The following MAPT variants were observed in gnomAD, a reference collection of about 807,000 sequenced individuals.
MAPT encodes microtubule associated protein tau.
A neutral mutation model predicts 67.9 loss-of-function variants in MAPT; 34 were observed. The observed-to-expected ratio is 0.50, with a 90% CI of 0.38 to 0.67. The LOEUF is 0.67. MAPT is among the 30% of genes least tolerant of loss of function. The pLI, the probability that MAPT is intolerant of heterozygous loss-of-function variation, is 0.00. For missense variants in MAPT, 881 were observed against 1,115.2 expected (o/e 0.79, Z 2.99); for synonymous variants, 456 against 464.5 (o/e 0.98, Z 0.23).
chr17:45,937,738 T>C (rs1252694899), intron 1 of MAPT, among the ~76,000 whole-genome samples: 1 of 151,702 alleles, frequency 6.6e-6, no homozygotes, highest in Non-Finnish European at 1.5e-5. Flanking sequence ...AGATAACACA[T>C]GCTCTGTGGG....
chr17:46,018,339 T>C (rs541519086), intron 11 of MAPT, among the ~76,000 whole-genome samples: 16 of 151,194 alleles, frequency 1.1e-4, no homozygotes, highest in African/African-American at 3.9e-4. Flanking sequence ...AAGGACTTAC[T>C]TGTATCCAAA....
intron 10 of MAPT, among the ~76,000 whole-genome samples, chr17:46,013,749 CCT>C (rs540403236): frequency 4.4e-3 from 669 of 152,296 alleles, no homozygotes; most frequent in Non-Finnish European, 6.7e-3. Flanking sequence ...CAGCGCCTCC[CCT>C]CTTTGAGGCC....
At chr17:45,987,508 C>T (rs892855391) in intron 6 of MAPT, among the ~76,000 whole-genome samples, 2 of 152,254 alleles carry the variant, frequency 1.3e-5, no homozygotes, top group East Asian at 3.8e-4. Flanking sequence ...CAGTATTTCA[C>T]TTCACCCATT....
chr17:45,956,168 T>G (rs143722396), intron 1 of MAPT, among the ~76,000 whole-genome samples: 103 of 152,358 alleles, frequency 6.8e-4, no homozygotes, highest in Non-Finnish European at 1.2e-3. Flanking sequence ...ATGGTGCCTT[T>G]GACCTGCTCT....
intron 2 of MAPT, among the ~76,000 whole-genome samples, chr17:45,966,791 G>GTA (rs915336401): frequency 9.2e-5 from 14 of 151,886 alleles, no homozygotes; most frequent in African/African-American, 2.4e-4. Flanking sequence ...ATATGTGTGT[G>GTA]TATATATATA....
chr17:45,933,611 GC>G (rs1598019840), intron 1 of MAPT, among the ~76,000 whole-genome samples: 2 of 152,120 alleles, frequency 1.3e-5, no homozygotes, highest in South Asian at 2.1e-4. Context: ...CCTTCACCTG[GC>G]CCCCCGCATT....
Position 45,906,587 on chromosome 17 carries a change from G to A in MAPT, c.-18+11901G>A, listed in dbSNP as rs890447782. ...CACCCTGTAAATGGAGGGTTTCTCC[G>A]GAGCGTGGATGGTGGGAGGTATTTC... is the stretch of plus-strand genomic sequence containing the variant. On this transcript the variant is annotated intron_variant, in intron 1 of 12. Coordinates refer to ENST00000262410, the MANE Select transcript of MAPT (RefSeq NM_001377265.1). This position sits in a 1 kb window ranked among gnomAD's most constrained non-coding sequence, Gnocchi z 4.3. Among the ~76,000 whole-genome samples the A allele has an allele frequency of 2.6e-5, 4 of 152,070 alleles. No homozygotes were observed. Among genetic ancestry groups the A allele is most frequent in the African/African-American group, 4.8e-5 (2 of 41,388 alleles).
intron 9 of MAPT, among the ~76,000 whole-genome samples, chr17:45,997,475 G>A (rs1229829481): frequency 6.6e-6 from 1 of 152,200 alleles, no homozygotes; most frequent in African/African-American, 2.4e-5. Flanking sequence ...AGAACACCAT[G>A]GCAGCTGGGC....
chr17:45,982,591 C>T (rs1012150219), intron 4 of MAPT, among the ~76,000 whole-genome samples: 2 of 151,984 alleles, frequency 1.3e-5, no homozygotes, highest in Non-Finnish European at 2.9e-5. Flanking sequence ...GAAGGGCCCT[C>T]GGAGGTCACC....
intron 1 of MAPT, among the ~76,000 whole-genome samples, chr17:45,929,601 G>A (rs1419879105): frequency 1.3e-5 from 2 of 152,114 alleles, no homozygotes; most frequent in Admixed American, 1.3e-4. Flanking sequence ...TCATCGCCAG[G>A]CTTGTGTCCT....
At chr17:46,023,531 T>C (rs1460167342) in intron 12 of MAPT, among the ~76,000 whole-genome samples, 3 of 152,138 alleles carry the variant, frequency 2.0e-5, no homozygotes, top group East Asian at 1.9e-4. Context: ...TATTACCAAT[T>C]GGAAGACAAT....
At chr17:46,008,237 G>GCAC (rs2075584330) in intron 9 of MAPT, among the ~76,000 whole-genome samples, 1 of 152,046 alleles carries the variant, frequency 6.6e-6, no homozygotes, top group Non-Finnish European at 1.5e-5. Flanking sequence ...GCTGGGTTGC[G>GCAC]CACCACCATG....
chr17:45,929,316 T>C (rs920411681), intron 1 of MAPT, among the ~76,000 whole-genome samples: 3 of 152,088 alleles, frequency 2.0e-5, no homozygotes, highest in African/African-American at 7.2e-5. Context: ...TCACATTAGG[T>C]GATGGAGCAC....
chr17:46,021,736 C>T (rs541120371), intron 12 of MAPT, among the ~76,000 whole-genome samples: 1 of 152,302 alleles, frequency 6.6e-6, no homozygotes, highest in East Asian at 1.9e-4. Flanking sequence ...CTCTAAGAAC[C>T]TGAGTTAGAG....
chr17:46,024,064 C>T lies in MAPT; in HGVS notation c.2395C>T (p.His799Tyr), dbSNP rs1434153077. The change falls in exon 13 of 13, where the codon CAT becomes TAT. Residue 799 changes from histidine (H) to tyrosine (Y), a missense_variant. His to Tyr is a moderately conservative substitution (Grantham distance 83). Coordinates refer to ENST00000262410, the MANE Select transcript of MAPT (RefSeq NM_001377265.1). Reference protein sequence around the residue: ...PVVSGDTSPRHLSNVSSTGSI... With the variant: ...PVVSGDTSPRYLSNVSSTGSI... ...GGTGTCTGGGGACACGTCTCCACGG[C>T]ATCTCAGCAATGTCTCCTCCACCGG... is the stretch of plus-strand genomic sequence containing the variant. 2 of 1,614,162 alleles carry T rather than the reference C, an allele frequency of 1.2e-6. No individual in the cohort carries two copies. Among genetic ancestry groups the T allele is most frequent in the Admixed American group, 1.7e-5 (1 of 60,032 alleles).
chr17:46,021,218 T>C (rs886965353), intron 12 of MAPT, among the ~76,000 whole-genome samples: 1 of 152,188 alleles, frequency 6.6e-6, no homozygotes, highest in African/African-American at 2.4e-5. Context: ...CACTGGCCCG[T>C]AGCTGGCCGA....
chr17:45,899,245 A>G (rs2063470381), intron 1 of MAPT, among the ~76,000 whole-genome samples: 1 of 152,174 alleles, frequency 6.6e-6, no homozygotes, highest in South Asian at 2.1e-4. Flanking sequence ...TCTTGTGGGT[A>G]GAGGCCAGGA....
intron 11 of MAPT, among the ~76,000 whole-genome samples, chr17:46,016,858 A>G (rs547934777): frequency 6.6e-6 from 1 of 152,360 alleles, no homozygotes; most frequent in South Asian, 2.1e-4. Context: ...TGTCCAGTAT[A>G]GTAGCCACTA....
At position 46,027,006 on chromosome 17, in the gene MAPT, A is replaced by T. The variant is rs1388165480; in HGVS notation, c.*2835A>T. 1 of 152,114 alleles carries T rather than the reference A, an allele frequency of 6.6e-6. No homozygotes were observed. Among genetic ancestry groups the T allele is most frequent in the Non-Finnish European group, 1.5e-5 (1 of 68,030 alleles). 9.4% of individuals were successfully genotyped at this position (152,114 alleles called of 1,614,324 possible). A position where few individuals can be genotyped will look rare whatever the true frequency, so the allele number is the denominator to read the frequency against. On this transcript the variant is annotated 3_prime_UTR_variant, in exon 13 of 13. Coordinates refer to ENST00000262410, the MANE Select transcript of MAPT (RefSeq NM_001377265.1). ...GAAGTCTCTGGGCCCAGAACTCTCC[A>T]CCAAGAGCCTCCCTGCCGTTCGCTG...
Sources: allele counts gnomAD v4.1 joint callset (sites outside exome capture counted in the v4.1 genomes callset), GRCh38; gene constraint gnomAD v4.1.1; non-coding constraint Gnocchi (gnomAD v3.1); transcripts MANE v1.5; gene names NCBI Gene and HGNC (gene_info 2026-07-23, HGNC 2026-07-21).